NUDT1: variants seen among roughly 807,000 people sequenced by gnomAD.
The protein encoded by NUDT1 is oxidized purine nucleoside triphosphate hydrolase.
A neutral mutation model predicts 11.3 loss-of-function variants in NUDT1; 16 were observed. That is an observed-to-expected ratio of 1.41 (90% CI 0.96 to 2.15). The LOEUF (loss-of-function observed/expected upper bound fraction) is 2.15. Among genes scored for constraint, NUDT1 ranks in the 30% most tolerant of loss-of-function variants. NUDT1 has a pLI of 0.00. For missense variants in NUDT1, 234 were observed against 208.4 expected, an observed-to-expected ratio of 1.12 and a Z score of -0.76; for synonymous variants, 101 against 84.4, an observed-to-expected ratio of 1.20 and a Z score of -1.08.
chr7:2,243,963 G>A (rs887236999), intron 1 of NUDT1, among the ~76,000 whole-genome samples: 6 of 152,260 alleles, frequency 3.9e-5, no homozygotes, highest in Middle Eastern at 3.4e-3. Context: ...GCCACAGCAG[G>A]AGCAGAGTGG....
intron 2 of NUDT1, among the ~76,000 whole-genome samples, chr7:2,245,724 C>T (rs181973279): frequency 8.5e-5 from 13 of 152,176 alleles, no homozygotes; most frequent in Middle Eastern, 3.4e-3. Context: ...ACGCTCAGTT[C>T]GTTTTTTAAT....
intron 3 of NUDT1, among the ~76,000 whole-genome samples, chr7:2,250,516 G>C (rs538519320): frequency 1.3e-5 from 2 of 152,254 alleles, no homozygotes; most frequent in Admixed American, 6.5e-5. Context: ...GGAGGGCAAT[G>C]GCGCAATCTC....
chr7:2,250,088 CTGAG>C, intron 3 of NUDT1, 86 bp downstream of exon 3: 1 of 1,563,826 alleles, frequency 6.4e-7, no homozygotes. Context: ...CAAACCATCT[CTGAG>C]TGCCAGGGAC....
At chr7:2,250,582 C>T (rs1794959945) in intron 3 of NUDT1, among the ~76,000 whole-genome samples, 1 of 152,196 alleles carries the variant, frequency 6.6e-6, no homozygotes, top group Admixed American at 6.5e-5. Context: ...CTCAGCCTCC[C>T]AAGTAGCTGG....
intron 2 of NUDT1, among the ~76,000 whole-genome samples, chr7:2,247,870 G>C (rs1794832051): frequency 6.6e-6 from 1 of 152,242 alleles, no homozygotes; most frequent in Non-Finnish European, 1.5e-5. Context: ...CGGCCGCCAA[G>C]AGGCGGGTGA....
chr7:2,245,756 A>G (rs1161023756), intron 2 of NUDT1, among the ~76,000 whole-genome samples: 1 of 151,692 alleles, frequency 6.6e-6, no homozygotes, highest in Non-Finnish European at 1.5e-5. Context: ...ATGGTGTCTC[A>G]TTAACTCCCA....
intron 1 of NUDT1, chr7:2,242,830 G>A: frequency 1.5e-6 from 1 of 659,908 alleles, no homozygotes; most frequent in Non-Finnish European, 2.8e-6. Context: ...GTGTTAGAGG[G>A]TGCTCTTTCA....
At chr7:2,244,528 T>A in intron 1 of NUDT1, 35 bp from the exon 2 acceptor site, 1 of 1,491,060 alleles carries the variant, frequency 6.7e-7, no homozygotes. Context: ...TCCACGCACG[T>A]CATGGCTGAC....
intron 1 of NUDT1, chr7:2,243,114 T>G (rs1251177906): frequency 9.0e-6 from 6 of 670,220 alleles, no homozygotes; most frequent in Non-Finnish European, 1.7e-5. Context: ...CCTGCCAAAC[T>G]CATGGTTCCA....
At chr7:2,250,233 G>A (rs1794935402) in intron 3 of NUDT1, among the ~76,000 whole-genome samples, 2 of 152,228 alleles carry the variant, frequency 1.3e-5, no homozygotes, top group Non-Finnish European at 2.9e-5. Flanking sequence ...ACACGGTAAT[G>A]AGGATGAAAT....
chr7:2,249,603 AG>A, intron 2 of NUDT1: 1 of 543,438 alleles, frequency 1.8e-6, no homozygotes, highest in Non-Finnish European at 3.3e-6. Flanking sequence ...CTCCCACCAG[AG>A]GCTCCACACC....
chr7:2,250,302 C>T (rs1006327704), intron 3 of NUDT1, among the ~76,000 whole-genome samples: 3 of 152,302 alleles, frequency 2.0e-5, no homozygotes, highest in African/African-American at 4.8e-5. Flanking sequence ...AGTCAGTGTA[C>T]GTTTGGGCTG....
rs780944325 is a variant in NUDT1 at position 2,244,634 on chromosome 7, G to A, written c.60G>A (p.Leu20=). ...VLVLQPQRVL[L]GMKKRGFGAG... is the part of the protein sequence containing the mutation. ...TCCTGCAGCCTCAGCGAGTTCTCCT[G>A]GGCATGAAAAAGCGAGGCTTCGGGG... The change falls in exon 2 of 4, where the codon CTG becomes CTA. Residue 20 remains leucine (L), a synonymous_variant. Coordinates refer to ENST00000356714, the MANE Select transcript of NUDT1 (RefSeq NM_002452.4). 2 of 1,613,818 alleles carry A rather than the reference G, an allele frequency of 1.2e-6. No homozygotes were observed. Among genetic ancestry groups the A allele is most frequent in the African/African-American group, 2.7e-5 (2 of 74,888 alleles).
intron 3 of NUDT1, among the ~76,000 whole-genome samples, 164 bp from the exon 4 acceptor site, chr7:2,250,665 A>C (rs1255170653): frequency 8.5e-6 from 1 of 117,206 alleles, no homozygotes; most frequent in South Asian, 2.7e-4. Flanking sequence ...TCACCGTGTT[A>C]GCCAGGATGG....
chr7:2,250,600 G>A (rs1256543703), intron 3 of NUDT1, among the ~76,000 whole-genome samples: 1 of 151,936 alleles, frequency 6.6e-6, no homozygotes, highest in East Asian at 1.9e-4. Flanking sequence ...TGGGACTACA[G>A]GCGCCCGCCA....
rs1795007684 is a variant in NUDT1 at position 2,251,128 on chromosome 7, T to C, written c.*127T>C. ...GGAATTAACTGGATGGAAGGGAAAA[T>C]AAAGCTATCTAGCGGTGGTTTTTTT... On this transcript the variant is annotated 3_prime_UTR_variant, in exon 4 of 4. Transcript: ENST00000356714. 1 of 872,140 alleles carries C rather than the reference T, an allele frequency of 1.1e-6. No homozygotes were observed. 54.0% of individuals were successfully genotyped at this position (872,140 alleles called of 1,614,324 possible). A position where few individuals can be genotyped will look rare whatever the true frequency, so the allele number is the denominator to read the frequency against.
intron 3 of NUDT1, 78 bp from the exon 4 acceptor site, chr7:2,250,751 C>T (rs1434610513): frequency 1.2e-5 from 19 of 1,560,070 alleles, no homozygotes; most frequent in South Asian, 2.2e-5. Flanking sequence ...AGCCACCGCG[C>T]CCGGCCAAAA....
At chr7:2,244,450 A>AT in intron 1 of NUDT1, 113 bp from the exon 2 acceptor site, 10 of 895,178 alleles carry the variant, frequency 1.1e-5, no homozygotes, top group African/African-American at 1.7e-5. Context: ...GAGTTACAGC[A>AT]TACCCCCCCG....
At chr7:2,249,819 CCT>C in intron 2 of NUDT1, 36 bp from the exon 3 acceptor site, 1 of 1,608,176 alleles carries the variant, frequency 6.2e-7, no homozygotes, top group Non-Finnish European at 8.5e-7. Flanking sequence ...GGCACCATGC[CCT>C]GACGGCCTCC....
Sources: allele counts gnomAD v4.1 joint callset (sites outside exome capture counted in the v4.1 genomes callset), GRCh38; gene constraint gnomAD v4.1.1; transcripts MANE v1.5; gene names NCBI Gene and HGNC (gene_info 2026-07-23, HGNC 2026-07-21).